The following TMC1 variants were observed in gnomAD, a reference collection of about 807,000 sequenced individuals.
The protein encoded by TMC1 is transmembrane channel like 1, also known as transmembrane channel-like protein 1.
In TMC1, 84 loss-of-function variants were observed where a neutral mutation model predicts 105.8. The ratio of observed to expected loss-of-function variants is 0.79; its 90% CI spans 0.67 to 0.95. The LOEUF is 0.95. TMC1 is among the 40% of genes least tolerant of loss of function. TMC1 has a pLI of 0.00. For missense variants in TMC1, 817 were observed against 914.1 expected (o/e 0.89, Z 1.37); for synonymous variants, 315 against 311.5 (o/e 1.01, Z -0.12).
intron 3 of TMC1, among the ~76,000 whole-genome samples, chr9:72,619,535 A>ATATC (rs1251508097): frequency 6.6e-6 from 1 of 152,154 alleles, no homozygotes; most frequent in East Asian, 1.9e-4. Flanking sequence ...AATAGTTGCT[A>ATATC]TATCTGTGTG....
chr9:72,686,528 A>C (rs1312504542), intron 5 of TMC1, among the ~76,000 whole-genome samples: 1 of 152,244 alleles, frequency 6.6e-6, no homozygotes, highest in Non-Finnish European at 1.5e-5. Context: ...ATAATGTTCC[A>C]TTAAAATCGA....
intron 1 of TMC1, among the ~76,000 whole-genome samples, chr9:72,543,884 G>A (rs1823719299): frequency 6.6e-6 from 1 of 151,738 alleles, no homozygotes; most frequent in Admixed American, 6.6e-5. Flanking sequence ...ATACAGGCAT[G>A]TGCCACCACA....
At chr9:72,809,028 C>G (rs1423212190) in intron 18 of TMC1, 3 of 152,230 alleles carry the variant, frequency 2.0e-5, no homozygotes, top group Non-Finnish European at 2.9e-5. Context: ...ACAGGATGCT[C>G]TTGTGTTGCT....
At chr9:72,742,225 G>T (rs1827400354) in intron 9 of TMC1, among the ~76,000 whole-genome samples, 1 of 152,094 alleles carries the variant, frequency 6.6e-6, no homozygotes, top group South Asian at 2.1e-4. Flanking sequence ...TAAAACAGGG[G>T]ATCGATAAAC....
intron 10 of TMC1, among the ~76,000 whole-genome samples, chr9:72,745,867 T>C (rs1334046582): frequency 6.6e-6 from 1 of 152,178 alleles, no homozygotes; most frequent in Admixed American, 6.5e-5. Flanking sequence ...TTGGGGCTAC[T>C]ACAATATCTA....
chr9:72,807,565 A>C (rs900940231), intron 18 of TMC1, among the ~76,000 whole-genome samples: 1 of 152,178 alleles, frequency 6.6e-6, no homozygotes, highest in African/African-American at 2.4e-5. Context: ...TTCTCCCTAT[A>C]AGTTTACTAG....
chr9:72,636,656 C>A (rs1825538312), intron 4 of TMC1, among the ~76,000 whole-genome samples: 1 of 144,384 alleles, frequency 6.9e-6, no homozygotes, highest in South Asian at 2.2e-4. Context: ...TGCAGAGAGC[C>A]AAGATTGCGC....
intron 22 of TMC1, 38 bp downstream of exon 22, chr9:72,830,567 TTA>T: frequency 6.2e-7 from 1 of 1,602,378 alleles, no homozygotes; most frequent in South Asian, 1.1e-5. Flanking sequence ...ATTATCTTTA[TTA>T]ATGTCAAGCA....
chr9:72,806,490 C>T (rs1038334775), intron 18 of TMC1, among the ~76,000 whole-genome samples: 4 of 150,476 alleles, frequency 2.7e-5, no homozygotes, highest in African/African-American at 5.0e-5. Context: ...CGGAGAGGCT[C>T]CTCATTTCTC....
chr9:72,566,056 G>T (rs1235848306), intron 1 of TMC1, among the ~76,000 whole-genome samples: 1 of 152,134 alleles, frequency 6.6e-6, no homozygotes, highest in East Asian at 1.9e-4. Flanking sequence ...AAGAGACAGG[G>T]TCTCACTTTG....
intron 12 of TMC1, among the ~76,000 whole-genome samples, 154 bp downstream of exon 12, chr9:72,755,038 A>AAGAG (rs1379638342): frequency 2.2e-5 from 3 of 137,468 alleles, no homozygotes; most frequent in Non-Finnish European, 3.1e-5. Flanking sequence ...GAAAGAAAGA[A>AAGAG]AGAGAGAGAG....
At chr9:72,692,159 A>T (rs1156716047) in intron 6 of TMC1, among the ~76,000 whole-genome samples, 1 of 152,202 alleles carries the variant, frequency 6.6e-6, no homozygotes, top group East Asian at 1.9e-4. Context: ...CTTTGCTCTC[A>T]TTGGTTCCTA....
intron 7 of TMC1, among the ~76,000 whole-genome samples, chr9:72,696,336 A>T (rs546588484): frequency 4.6e-5 from 7 of 151,802 alleles, no homozygotes; most frequent in Non-Finnish European, 1.0e-4. Flanking sequence ...ACATAACCCA[A>T]CTCTCTCCAT....
At chr9:72,650,872 T>TTATATATATATATCTATATATA (rs71495328) in intron 5 of TMC1, among the ~76,000 whole-genome samples, 3 of 119,874 alleles carry the variant, frequency 2.5e-5, no homozygotes, top group Non-Finnish European at 5.2e-5. Context: ...ATGGTGTATT[T>TTATATATATATATCTATATATA]TATATATATA....
chr9:72,547,911 T>C (rs771118735), intron 1 of TMC1, among the ~76,000 whole-genome samples: 3 of 152,212 alleles, frequency 2.0e-5, no homozygotes, highest in African/African-American at 7.2e-5. Flanking sequence ...GTCCAAGATC[T>C]GGTATCTGCT....
chr9:72,659,295 A>G (rs1002202143), intron 5 of TMC1, among the ~76,000 whole-genome samples: 2 of 152,328 alleles, frequency 1.3e-5, no homozygotes, highest in African/African-American at 4.8e-5. Context: ...ATCTTCTGCC[A>G]TGTTATCCAG....
intron 17 of TMC1, among the ~76,000 whole-genome samples, chr9:72,800,220 G>C (rs758666036): frequency 6.6e-6 from 1 of 152,152 alleles, no homozygotes; most frequent in Non-Finnish European, 1.5e-5. Flanking sequence ...AGTGAAGTCT[G>C]GTTGTGGTGC....
chr9:72,676,509 C>T (rs1229011474), intron 5 of TMC1, among the ~76,000 whole-genome samples: 2 of 152,060 alleles, frequency 1.3e-5, no homozygotes, highest in African/African-American at 4.8e-5. Context: ...CAACCGTACA[C>T]AATAATTACA....
chr9:72,749,517 G>C (rs1335057691), intron 10 of TMC1, among the ~76,000 whole-genome samples: 1 of 152,112 alleles, frequency 6.6e-6, no homozygotes, highest in Admixed American at 6.6e-5. Flanking sequence ...TGGGAGCCAA[G>C]TGGGTGATCA....
Sources: gnomAD v4.1 joint callset for allele counts (sites outside exome capture counted in the v4.1 genomes callset) on GRCh38, gnomAD v4.1.1 for gene constraint, MANE v1.5 for transcripts, NCBI Gene and HGNC (gene_info 2026-07-23, HGNC 2026-07-21) for gene names.